The following FAM227B variants were observed in gnomAD, a reference collection of about 807,000 sequenced individuals.
FAM227B encodes the protein family with sequence similarity 227 member B.
A neutral mutation model predicts 73.8 loss-of-function variants in FAM227B; 88 were observed. The observed-to-expected ratio is 1.19, with a 90% CI of 1.00 to 1.42. The LOEUF is 1.42. FAM227B is among the 40% of genes most tolerant of loss of function. The pLI is 0.00. For missense variants in FAM227B, 632 were observed against 590.9 expected, an observed-to-expected ratio of 1.07 and a Z score of -0.72; for synonymous variants, 210 against 190.5, an observed-to-expected ratio of 1.10 and a Z score of -0.84.
intron 3 of FAM227B, 141 bp downstream of exon 3, chr15:49,611,074 T>C (rs2077881390): frequency 1.9e-6 from 1 of 530,274 alleles, no homozygotes; most frequent in Non-Finnish European, 3.4e-6. Context: ...TCAAAGGACA[T>C]AAGTATTTAT....
At chr15:49,473,425 GATGT>G (rs572207901) in intron 11 of FAM227B, among the ~76,000 whole-genome samples, 219 of 152,134 alleles carry the variant, frequency 1.4e-3, no homozygotes, top group African/African-American at 5.2e-3. Flanking sequence ...TTTTTAAATT[GATGT>G]ATATTTGACA....
chr15:49,594,369 A>G (rs2076773014), intron 3 of FAM227B, among the ~76,000 whole-genome samples: 2 of 151,974 alleles, frequency 1.3e-5, no homozygotes, highest in African/African-American at 4.8e-5. Context: ...TTGCAACTCT[A>G]TGGGTTGTCT....
intron 11 of FAM227B, among the ~76,000 whole-genome samples, chr15:49,461,532 T>G (rs1486370613): frequency 6.6e-6 from 1 of 152,226 alleles, no homozygotes; most frequent in Non-Finnish European, 1.5e-5. Flanking sequence ...TACTTACTGC[T>G]AGATGTCTTG....
chr15:49,382,487 C>CT (rs979075399), intron 11 of FAM227B, among the ~76,000 whole-genome samples: 2 of 151,940 alleles, frequency 1.3e-5, no homozygotes, highest in African/African-American at 2.4e-5. Flanking sequence ...ATTTCTTTCC[C>CT]TTTTTTTCTT....
intron 13 of FAM227B, among the ~76,000 whole-genome samples, chr15:49,340,403 G>GCCCCCCCCCCCCCCC (rs373386438): frequency 2.1e-5 from 2 of 94,378 alleles, no homozygotes; most frequent in Non-Finnish European, 2.2e-5. Flanking sequence ...GCAGTGCCCC[G>GCCCCCCCCCCCCCCC]CCCCCCCCCT....
chr15:49,516,937 A>G (rs985197193), intron 10 of FAM227B, among the ~76,000 whole-genome samples: 3 of 152,170 alleles, frequency 2.0e-5, no homozygotes, highest in Non-Finnish European at 4.4e-5. Context: ...GAGATCAGAC[A>G]CTTATGACTC....
intron 13 of FAM227B, among the ~76,000 whole-genome samples, chr15:49,338,330 A>C (rs1405801459): frequency 6.6e-6 from 1 of 152,220 alleles, no homozygotes; most frequent in Non-Finnish European, 1.5e-5. Flanking sequence ...TGGTGGTGAC[A>C]AAATCTCTCA....
intron 8 of FAM227B, among the ~76,000 whole-genome samples, chr15:49,570,017 TGACA>T (rs929596881): frequency 2.0e-5 from 3 of 151,988 alleles, no homozygotes. Context: ...ATTCATTCGT[TGACA>T]GACAATTAGG....
chr15:49,448,929 C>T (rs914353033), intron 11 of FAM227B, among the ~76,000 whole-genome samples: 1 of 151,858 alleles, frequency 6.6e-6, no homozygotes, highest in Non-Finnish European at 1.5e-5. Flanking sequence ...ATTACTCCTG[C>T]TTCAGTTTAA....
At chr15:49,388,672 A>G (rs1203004803) in intron 11 of FAM227B, among the ~76,000 whole-genome samples, 4 of 152,070 alleles carry the variant, frequency 2.6e-5, no homozygotes, top group Admixed American at 6.6e-5. Context: ...GCACAACAAA[A>G]GAAATAATTG....
chr15:49,556,962 T>C (rs2073766698), intron 9 of FAM227B, among the ~76,000 whole-genome samples: 1 of 152,030 alleles, frequency 6.6e-6, no homozygotes, highest in Non-Finnish European at 1.5e-5. Context: ...CTGGTGAGAG[T>C]GGGTTGCCCC....
chr15:49,616,857 G>T (rs1281254364), intron 1 of FAM227B, among the ~76,000 whole-genome samples: 1 of 152,102 alleles, frequency 6.6e-6, no homozygotes, highest in Admixed American at 6.5e-5. Context: ...TTTGCAATCT[G>T]TAGTGTCTGT....
intron 11 of FAM227B, among the ~76,000 whole-genome samples, chr15:49,388,860 C>G (rs2047038127): frequency 6.6e-6 from 1 of 151,696 alleles, no homozygotes; most frequent in South Asian, 2.1e-4. Context: ...AGAAGATATA[C>G]AAATGGTCAA....
rs966648057 is a variant in FAM227B, at chr15:49,365,376, A to G, written c.1271+2072T>C. The G allele has an allele frequency of 1.2e-5, 16 of 1,281,954 alleles. No individual in the cohort carries two copies. The African/African-American group carries it at 2.0e-4, about 16-fold the overall frequency. The allele number at this position is 1,281,954 out of a possible 1,614,324, so 79.4% of individuals were successfully genotyped here. A position where few individuals can be genotyped will look rare whatever the true frequency, so the allele number is the denominator to read the frequency against. ...GCATAGGCAACTGTAGAGGAAACAT[A>G]GTATATATACGAAGAACCAGTCTAA... On this transcript the variant is annotated intron_variant, in intron 13 of 15. Coordinates refer to ENST00000299338, the MANE Select transcript of FAM227B (RefSeq NM_152647.3).
chr15:49,455,497 C>T (rs776782526), intron 11 of FAM227B, among the ~76,000 whole-genome samples: 8 of 152,086 alleles, frequency 5.3e-5, no homozygotes, highest in Non-Finnish European at 7.4e-5. Context: ...TGATACCATA[C>T]GGGTGCTCAA....
chr15:49,387,224 C>T (rs1353371979), intron 11 of FAM227B, among the ~76,000 whole-genome samples: 1 of 151,638 alleles, frequency 6.6e-6, no homozygotes, highest in Non-Finnish European at 1.5e-5. Context: ...TCCTTATGAA[C>T]ATAGATTCAA....
intron 11 of FAM227B, among the ~76,000 whole-genome samples, chr15:49,432,575 T>C (rs1005797328): frequency 1.3e-5 from 2 of 151,618 alleles, no homozygotes; most frequent in African/African-American, 2.4e-5. Context: ...TTGAGAGCTA[T>C]TGTCTAAGGA....
chr15:49,374,823 C>A (rs1004095502), intron 11 of FAM227B, among the ~76,000 whole-genome samples: 1 of 152,214 alleles, frequency 6.6e-6, no homozygotes, highest in East Asian at 1.9e-4. Context: ...GGATTACAGG[C>A]GTGAGCCACC....
At chr15:49,537,109 T>G (rs2070382839) in intron 10 of FAM227B, among the ~76,000 whole-genome samples, 3 of 151,904 alleles carry the variant, frequency 2.0e-5, no homozygotes, top group South Asian at 4.2e-4. Context: ...TCAAAGAAAA[T>G]AATCAACAAA....
Sources: allele counts gnomAD v4.1 joint callset (sites outside exome capture counted in the v4.1 genomes callset), GRCh38; gene constraint gnomAD v4.1.1; transcripts MANE v1.5; gene names NCBI Gene and HGNC (gene_info 2026-07-23, HGNC 2026-07-21).